The following GRIP1 variants were observed in gnomAD, a reference collection of about 807,000 sequenced individuals.
GRIP1 encodes glutamate receptor-interacting protein 1.
Under a neutral mutation model 129.9 loss-of-function variants are expected in GRIP1, and 45 were observed. The ratio of observed to expected loss-of-function variants is 0.35; its 90% CI spans 0.27 to 0.44. GRIP1 has a LOEUF of 0.44. Ranked by LOEUF, GRIP1 falls within the 20% of genes least tolerant of loss-of-function variation. The pLI, the probability that GRIP1 is intolerant of heterozygous loss-of-function variation, is 1.00. For synonymous variants in GRIP1, 530 were observed against 520.8 expected, an observed-to-expected ratio of 1.02 and a Z score of -0.24; for missense variants, 1,196 against 1,396.8, an observed-to-expected ratio of 0.86 and a Z score of 2.29.
At chr12:66,620,905 T>C (rs2065242076) in intron 1 of GRIP1, among the ~76,000 whole-genome samples, 1 of 152,112 alleles carries the variant, frequency 6.6e-6, no homozygotes, top group Non-Finnish European at 1.5e-5. Flanking sequence ...GGCTGCAGCA[T>C]GATGATTCAC....
chr12:66,723,307 T>TC (rs1555230364), intron 1 of GRIP1, among the ~76,000 whole-genome samples: 319 of 25,880 alleles, frequency 0.012, 26 homozygotes, highest in African/African-American at 0.04. Flanking sequence ...TTTCTTTCTT[T>TC]TTTTTTTTTT....
intron 1 of GRIP1, among the ~76,000 whole-genome samples, chr12:67,005,428 G>T (rs2042612408): frequency 6.6e-6 from 1 of 152,166 alleles, no homozygotes; most frequent in Non-Finnish European, 1.5e-5. Context: ...GACATTCACT[G>T]TGTGCTTATG....
At chr12:66,441,549 G>A (rs2058471949) in intron 13 of GRIP1, among the ~76,000 whole-genome samples, 1 of 152,050 alleles carries the variant, frequency 6.6e-6, no homozygotes, top group Non-Finnish European at 1.5e-5. Flanking sequence ...CATTCCAGTG[G>A]CAACACAAAT....
chr12:66,792,078 G>C (rs551651635), intron 1 of GRIP1, among the ~76,000 whole-genome samples: 1 of 152,248 alleles, frequency 6.6e-6, no homozygotes, highest in East Asian at 1.9e-4. Flanking sequence ...GAGAAAAATA[G>C]ATACAAAAAT....
At chr12:66,522,148 G>C (rs2061034672) in intron 5 of GRIP1, among the ~76,000 whole-genome samples, 1 of 152,238 alleles carries the variant, frequency 6.6e-6, no homozygotes, top group Non-Finnish European at 1.5e-5. Flanking sequence ...GCTTTGAAGA[G>C]AGTAGTGGTT....
chr12:66,863,999 T>C (rs2040157479), intron 1 of GRIP1, among the ~76,000 whole-genome samples: 1 of 152,022 alleles, frequency 6.6e-6, no homozygotes, highest in Admixed American at 6.6e-5. Flanking sequence ...GAAACTGCTG[T>C]TTCTTTCAAC....
At chr12:66,401,331 A>T (rs990057729) in intron 16 of GRIP1, among the ~76,000 whole-genome samples, 2 of 151,968 alleles carry the variant, frequency 1.3e-5, no homozygotes, top group Admixed American at 1.3e-4. Context: ...AAATCCCAGC[A>T]CTTTGGGAGG....
intron 1 of GRIP1, among the ~76,000 whole-genome samples, chr12:66,916,743 A>G (rs2041129731): frequency 6.6e-6 from 1 of 152,156 alleles, no homozygotes; most frequent in Admixed American, 6.5e-5. Context: ...AACAGCCAAG[A>G]AAGTCCAGGA....
intron 1 of GRIP1, among the ~76,000 whole-genome samples, chr12:66,639,377 G>T (rs1302303460): frequency 6.6e-6 from 1 of 152,092 alleles, no homozygotes; most frequent in Non-Finnish European, 1.5e-5. Flanking sequence ...GTGTGCATTG[G>T]GGGAGGGCGT....
chr12:66,853,191 G>C (rs2039943996), intron 1 of GRIP1, among the ~76,000 whole-genome samples: 1 of 151,656 alleles, frequency 6.6e-6, no homozygotes, highest in African/African-American at 2.4e-5. Context: ...CCAGGAAACG[G>C]AGATTTTAAA....
chr12:67,049,383 A>G (rs1054648836), intron 1 of GRIP1, among the ~76,000 whole-genome samples: 3 of 152,184 alleles, frequency 2.0e-5, no homozygotes, highest in Non-Finnish European at 4.4e-5. Flanking sequence ...ATGCAGCCAT[A>G]AAAAAGAATG....
intron 23 of GRIP1, among the ~76,000 whole-genome samples, chr12:66,370,464 C>T (rs576452534): frequency 1.5e-4 from 23 of 152,236 alleles, no homozygotes; most frequent in African/African-American, 5.5e-4. Flanking sequence ...TTGTCAGTTG[C>T]AAAACAAATA....
intron 1 of GRIP1, among the ~76,000 whole-genome samples, chr12:67,048,937 T>C (rs575529232): frequency 6.6e-6 from 1 of 152,258 alleles, no homozygotes; most frequent in Non-Finnish European, 1.5e-5. Context: ...TAGGTATGTC[T>C]TTATCAGCAG....
chr12:66,388,631 G>A (rs2056458368), intron 19 of GRIP1, among the ~76,000 whole-genome samples: 1 of 152,204 alleles, frequency 6.6e-6, no homozygotes, highest in Admixed American at 6.5e-5. Flanking sequence ...AGACAATGGG[G>A]AGTGAAAGAA....
chr12:66,766,607 A>C (rs1224236773), intron 1 of GRIP1, among the ~76,000 whole-genome samples: 2 of 152,200 alleles, frequency 1.3e-5, no homozygotes, highest in African/African-American at 4.8e-5. Context: ...CTGCCCTGTG[A>C]GGAACCAAAC....
chr12:66,463,294 T>C (rs1296376840), intron 8 of GRIP1, among the ~76,000 whole-genome samples: 3 of 151,964 alleles, frequency 2.0e-5, no homozygotes, highest in East Asian at 1.9e-4. Context: ...TTGTGGAAAA[T>C]AGAGAAAAAT....
At chr12:67,033,393 A>G (rs370893118) in intron 1 of GRIP1, among the ~76,000 whole-genome samples, 27 of 152,038 alleles carry the variant, frequency 1.8e-4, no homozygotes, top group East Asian at 1.2e-3. Context: ...CTTTCTGTCC[A>G]CACCCAAAAT....
chr12:66,639,683 C>A (rs970195507), intron 1 of GRIP1, among the ~76,000 whole-genome samples: 1 of 152,172 alleles, frequency 6.6e-6, no homozygotes, highest in Non-Finnish European at 1.5e-5. Context: ...TCTTAGTTTT[C>A]AAATTTTTGA....
chr12:66,752,314 T>G (rs188735293), intron 1 of GRIP1, among the ~76,000 whole-genome samples: 5 of 152,314 alleles, frequency 3.3e-5, no homozygotes, highest in Admixed American at 3.3e-4. Flanking sequence ...TGAGTTTCAT[T>G]AACCTTCTGT....
Sources: gnomAD v4.1 joint callset for allele counts (sites outside exome capture counted in the v4.1 genomes callset) on GRCh38, gnomAD v4.1.1 for gene constraint, MANE v1.5 for transcripts, NCBI Gene and HGNC (gene_info 2026-07-23, HGNC 2026-07-21) for gene names.